Variants in SYT17 observed in about 807,000 individuals in gnomAD.
SYT17 encodes the protein synaptotagmin 17.
A neutral mutation model predicts 46.7 loss-of-function variants in SYT17; 22 were observed. The ratio of observed to expected loss-of-function variants is 0.47; its 90% confidence interval spans 0.34 to 0.67. The LOEUF is 0.67. Ranked by LOEUF, SYT17 falls within the 30% of genes least tolerant of loss-of-function variation. The pLI, the probability that SYT17 is intolerant of heterozygous loss-of-function variation, is 0.01. For synonymous variants in SYT17, 251 were observed against 248.4 expected (o/e 1.01, Z -0.10); for missense variants, 519 against 612.8 (o/e 0.85, Z 1.62).
In SYT17 at chr16:19,206,353, CCTTTT is replaced by C. The variant is rs1175957782; in HGVS notation, c.952-16688_952-16684del. Among the ~76,000 whole-genome samples, 5 of 152,116 alleles carry C rather than the reference CCTTTT, an allele frequency of 3.3e-5. 1 individual carries two copies. The highest frequency in any genetic ancestry group is 3.3e-4 in the Admixed American group (5 of 15,284). ...GGGGTATATATATGGTATGTGTCCT[CCTTTT>C]CTTAGGAGGAAAGGAATGAGGCTCA... is the stretch of plus-strand genomic sequence containing the variant. On this transcript the variant is annotated intron_variant, in intron 5 of 7. Coordinates refer to ENST00000355377, the MANE Select transcript of SYT17 (RefSeq NM_016524.4).
At chr16:19,209,899 AAAAC>A (rs142687880) in intron 5 of SYT17, among the ~76,000 whole-genome samples, 94,677 of 149,256 alleles carry the variant, frequency 0.63, 30,622 homozygotes, top group African/African-American at 0.77. Flanking sequence ...AAACAAAACA[AAAAC>A]AACAACAACA....
intron 7 of SYT17, among the ~76,000 whole-genome samples, chr16:19,243,969 T>G (rs1431329188): frequency 6.6e-6 from 1 of 152,242 alleles, no homozygotes; most frequent in Admixed American, 6.5e-5. Flanking sequence ...TTCCAAGTTA[T>G]TAAGTGTGGC....
intron 5 of SYT17, among the ~76,000 whole-genome samples, chr16:19,187,594 A>G (rs1313703350): frequency 6.6e-6 from 1 of 152,236 alleles, no homozygotes. Flanking sequence ...TGAGGCAAGA[A>G]GCTCACACAA....
At chr16:19,200,547 A>T (rs1965420860) in intron 5 of SYT17, among the ~76,000 whole-genome samples, 1 of 152,224 alleles carries the variant, frequency 6.6e-6, no homozygotes, top group Admixed American at 6.5e-5. Flanking sequence ...TCCTCTACTG[A>T]CAGCAAAGCC....
At chr16:19,190,808 G>A (rs1964987184) in intron 5 of SYT17, among the ~76,000 whole-genome samples, 1 of 123,498 alleles carries the variant, frequency 8.1e-6, no homozygotes, top group Non-Finnish European at 1.7e-5. Flanking sequence ...GTGTGTGTGT[G>A]TCATATTTTG....
intron 7 of SYT17, among the ~76,000 whole-genome samples, chr16:19,255,321 TG>T (rs1174851118): frequency 6.6e-6 from 1 of 152,182 alleles, no homozygotes; most frequent in African/African-American, 2.4e-5. Context: ...CACTGATATT[TG>T]GGGCTGGATT....
chr16:19,224,979 C>A, intron 7 of SYT17, 141 bp downstream of exon 7: 1 of 897,168 alleles, frequency 1.1e-6, no homozygotes, highest in Non-Finnish European at 1.7e-6. Context: ...ACCCACTTAA[C>A]ATCTATGAAC....
chr16:19,180,347 C>T (rs1345488557), intron 3 of SYT17, 44 bp from the exon 4 acceptor site: 8 of 1,605,062 alleles, frequency 5.0e-6, no homozygotes, highest in South Asian at 2.2e-5. Flanking sequence ...TGCCAGTCCC[C>T]GGGGATTCCT....
Position 19,209,070 on chromosome 16 carries a change from T to C in SYT17, c.952-13975T>C, listed in dbSNP as rs147773991. Among the ~76,000 whole-genome samples the C allele has an allele frequency of 4.1e-3, 629 of 151,964 alleles. 3 individuals are homozygous for C. Among genetic ancestry groups the C allele is most frequent in the African/African-American group, 0.015 (603 of 41,428 alleles). On this transcript the variant is annotated intron_variant, in intron 5 of 7. Coordinates refer to ENST00000355377, the MANE Select transcript of SYT17 (RefSeq NM_016524.4). ...TTTTAGTAGAGATGGAGTTTCACCA[T>C]GTTGGTCAGGCTGGTCTCGAACTTC...
rs769147573 is a variant in SYT17, at chr16:19,180,373, C to A, written c.183-18C>A. The A allele has an allele frequency of 2.5e-6, 4 of 1,613,802 alleles. No homozygotes were observed. The South Asian group carries it at 4.4e-5, about 18-fold the overall frequency. On this transcript the variant is annotated intron_variant, in intron 3 of 7. Transcript: ENST00000355377. ...GGGGATTCCTGGACAGCTACTGAGA[C>A]CTCTTCCCTTCCTATAGGATGGCCA... is the stretch of plus-strand genomic sequence containing the variant.
At chr16:19,227,801 G>A (rs1465255833) in intron 7 of SYT17, among the ~76,000 whole-genome samples, 28 of 152,058 alleles carry the variant, frequency 1.8e-4, no homozygotes, top group Admixed American at 1.8e-3. Flanking sequence ...AACACCTTCT[G>A]TGCCAGGCAG....
intron 5 of SYT17, among the ~76,000 whole-genome samples, chr16:19,201,315 G>T (rs112330057): frequency 1.5e-3 from 223 of 152,298 alleles, no homozygotes; most frequent in African/African-American, 5.1e-3. Flanking sequence ...AGGGGAAGAG[G>T]TACTTAGGGA....
chr16:19,182,202 G>A (rs1964586969), intron 4 of SYT17, among the ~76,000 whole-genome samples: 1 of 152,096 alleles, frequency 6.6e-6, no homozygotes, highest in African/African-American at 2.4e-5. Flanking sequence ...ATAGCTTGAG[G>A]CCAGGAGTTC....
chr16:19,199,014 G>A (rs532132068), intron 5 of SYT17, among the ~76,000 whole-genome samples: 32 of 152,330 alleles, frequency 2.1e-4, no homozygotes, highest in South Asian at 4.1e-4. Flanking sequence ...CTGGTGGTAA[G>A]CTCCAGAGAG....
chr16:19,210,326 C>T (rs1284997256), intron 5 of SYT17, among the ~76,000 whole-genome samples: 2 of 152,080 alleles, frequency 1.3e-5, no homozygotes, highest in South Asian at 2.1e-4. Flanking sequence ...CTTGGCCTCC[C>T]GAAGTGCTTG....
intron 5 of SYT17, among the ~76,000 whole-genome samples, chr16:19,214,725 T>C (rs560041448): frequency 3.2e-4 from 48 of 152,212 alleles, no homozygotes; most frequent in African/African-American, 1.1e-3. Flanking sequence ...AGGATAAGGC[T>C]CTGAGGCCCC....
chr16:19,178,064 C>T (rs1402090427), intron 3 of SYT17, among the ~76,000 whole-genome samples: 1 of 151,332 alleles, frequency 6.6e-6, no homozygotes, highest in Non-Finnish European at 1.5e-5. Context: ...ATACCCAAGA[C>T]TGGGTAAGGT....
At chr16:19,181,703 A>G (rs571243703) in intron 4 of SYT17, among the ~76,000 whole-genome samples, 5 of 23,794 alleles carry the variant, frequency 2.1e-4, no homozygotes, top group South Asian at 2.9e-3. Flanking sequence ...GACAGTGAGG[A>G]AAAAAAAAAA....
intron 5 of SYT17, among the ~76,000 whole-genome samples, chr16:19,210,399 G>T (rs114843397): frequency 6.6e-6 from 1 of 151,368 alleles, no homozygotes; most frequent in Non-Finnish European, 1.5e-5. Context: ...CTCACTAACT[G>T]TATGTTTGTA....
Sources: allele counts gnomAD v4.1 joint callset (sites outside exome capture counted in the v4.1 genomes callset), GRCh38; gene constraint gnomAD v4.1.1; transcripts MANE v1.5; gene names NCBI Gene and HGNC (gene_info 2026-07-23, HGNC 2026-07-21).